The following CLDN10 variants were observed in gnomAD, a reference collection of about 807,000 sequenced individuals.
CLDN10 encodes claudin-10.
CLDN10 carries 15 observed loss-of-function variants against 22.9 expected under a neutral mutation model. The observed-to-expected ratio is 0.65, with a 90% CI of 0.44 to 1.01. CLDN10 has a LOEUF of 1.01. CLDN10 is among the 50% of genes least tolerant of loss of function. CLDN10 has a pLI of 0.00. For synonymous variants in CLDN10, 114 were observed against 111.4 expected, an observed-to-expected ratio of 1.02 and a Z score of -0.15; for missense variants, 247 against 287.8, an observed-to-expected ratio of 0.86 and a Z score of 1.03.
At chr13:95,455,561 A>C (rs961629069) in intron 1 of CLDN10, among the ~76,000 whole-genome samples, 1 of 152,204 alleles carries the variant, frequency 6.6e-6, no homozygotes, top group African/African-American at 2.4e-5. Context: ...CATGGTAAAA[A>C]TAAGGGTTCT....
intron 3 of CLDN10, among the ~76,000 whole-genome samples, chr13:95,575,993 G>A (rs923663069): frequency 1.3e-5 from 2 of 152,158 alleles, no homozygotes; most frequent in African/African-American, 4.8e-5. Context: ...CTGCTCCCCT[G>A]GCTAGTGATG....
At chr13:95,524,859 A>T (rs1263013837) in intron 1 of CLDN10, among the ~76,000 whole-genome samples, 1 of 110,650 alleles carries the variant, frequency 9.0e-6, no homozygotes, top group Non-Finnish European at 2.0e-5. Context: ...TTATTTATTT[A>T]TTTTTATTTT....
chr13:95,510,283 T>C (rs1260421667), intron 1 of CLDN10, among the ~76,000 whole-genome samples: 1 of 152,154 alleles, frequency 6.6e-6, no homozygotes, highest in Non-Finnish European at 1.5e-5. Context: ...ATCTTGCAAT[T>C]CTCCCTCAAT....
intron 1 of CLDN10, among the ~76,000 whole-genome samples, chr13:95,441,132 G>T (rs2042320812): frequency 6.6e-6 from 1 of 152,214 alleles, no homozygotes; most frequent in Non-Finnish European, 1.5e-5. Context: ...ATTGTTCATT[G>T]AGTTAAATTC....
chr13:95,435,105 AT>A (rs74674725), intron 1 of CLDN10, among the ~76,000 whole-genome samples: 8,164 of 152,168 alleles, frequency 0.054, 289 homozygotes, highest in East Asian at 0.12. Context: ...GGGAACATAT[AT>A]TTTTTAAGGA....
intron 1 of CLDN10, among the ~76,000 whole-genome samples, chr13:95,466,234 A>G (rs933491477): frequency 6.6e-6 from 1 of 152,044 alleles, no homozygotes; most frequent in African/African-American, 2.4e-5. Flanking sequence ...ACTATTCACT[A>G]AAATGTGGAT....
At chr13:95,521,643 C>A (rs1035519947) in intron 1 of CLDN10, among the ~76,000 whole-genome samples, 4 of 151,892 alleles carry the variant, frequency 2.6e-5, no homozygotes, top group African/African-American at 4.8e-5. Context: ...CTGTAATTTT[C>A]CTTTCTTTTA....
intron 1 of CLDN10, among the ~76,000 whole-genome samples, chr13:95,471,850 CTCAATCA>C (rs2139102573): frequency 1.3e-5 from 2 of 152,012 alleles, no homozygotes; most frequent in South Asian, 4.1e-4. Context: ...GCCTCTGGGG[CTCAATCA>C]TCATGGCTCA....
intron 1 of CLDN10, among the ~76,000 whole-genome samples, chr13:95,476,438 G>A (rs932428377): frequency 5.3e-5 from 8 of 152,088 alleles, no homozygotes; most frequent in Non-Finnish European, 1.0e-4. Flanking sequence ...GCAGCTCTCC[G>A]GAGCCTTCTG....
rs1489516203 is a variant in CLDN10, at chr13:95,552,736, G to A, written c.-18G>A. ...GCAGAGTGGGAGCCGGAGAGCGAGC[G>A]CGGCTGCAGCCGGCGGCATGGCTAG... On this transcript the variant is annotated 5_prime_UTR_variant, in exon 1 of 5. Coordinates refer to ENST00000299339, the MANE Select transcript of CLDN10 (RefSeq NM_006984.5). 6.2e-7 allele frequency: 1 copy of A among 1,602,048 alleles called. No homozygotes were observed. Among genetic ancestry groups the A allele is most frequent in the South Asian group, 1.1e-5 (1 of 90,044 alleles).
chr13:95,554,927 C>T (rs913249817), intron 1 of CLDN10, among the ~76,000 whole-genome samples: 18 of 152,192 alleles, frequency 1.2e-4, no homozygotes, highest in African/African-American at 3.4e-4. Context: ...GAAATGGTAT[C>T]GTAAGAGCAG....
intron 1 of CLDN10, among the ~76,000 whole-genome samples, chr13:95,450,110 A>G (rs771354558): frequency 2.1e-4 from 32 of 152,066 alleles, no homozygotes; most frequent in Admixed American, 4.6e-4. Flanking sequence ...CCTGGCCTGA[A>G]GCAATTCTCC....
At chr13:95,510,592 A>T (rs1158907637) in intron 1 of CLDN10, among the ~76,000 whole-genome samples, 1 of 152,028 alleles carries the variant, frequency 6.6e-6, no homozygotes, top group African/African-American at 2.4e-5. Flanking sequence ...GCCTTTGCTC[A>T]TTTGCCTTAC....
chr13:95,476,505 C>T (rs959867799), intron 1 of CLDN10, among the ~76,000 whole-genome samples: 1 of 152,254 alleles, frequency 6.6e-6, no homozygotes, highest in South Asian at 2.1e-4. Context: ...AATCACCTCC[C>T]GAAGGCCCCA....
intron 1 of CLDN10, among the ~76,000 whole-genome samples, chr13:95,439,227 C>T (rs927930064): frequency 6.6e-6 from 1 of 152,094 alleles, no homozygotes; most frequent in South Asian, 2.1e-4. Context: ...CTGTGAAGTC[C>T]TAAATCGAGA....
intron 3 of CLDN10, among the ~76,000 whole-genome samples, chr13:95,568,701 C>T (rs999632751): frequency 6.6e-6 from 1 of 152,146 alleles, no homozygotes; most frequent in Non-Finnish European, 1.5e-5. Context: ...ATGTGTTACT[C>T]ACTTTGGAAT....
intron 1 of CLDN10, among the ~76,000 whole-genome samples, chr13:95,458,847 A>T (rs1454114038): frequency 6.6e-6 from 1 of 152,228 alleles, no homozygotes; most frequent in African/African-American, 2.4e-5. Context: ...CCAAAAGTCC[A>T]AATCCAAAGT....
At chr13:95,494,663 G>A (rs1204755391) in intron 1 of CLDN10, among the ~76,000 whole-genome samples, 1 of 152,138 alleles carries the variant, frequency 6.6e-6, no homozygotes, top group Non-Finnish European at 1.5e-5. Context: ...CGTTACAAAT[G>A]TATTGTCTGA....
At chr13:95,435,867 G>A (rs2042264274) in intron 1 of CLDN10, among the ~76,000 whole-genome samples, 1 of 151,468 alleles carries the variant, frequency 6.6e-6, no homozygotes, top group Non-Finnish European at 1.5e-5. Context: ...TGTTGCCAAG[G>A]CTGGTCTCGA....
Sources: gnomAD v4.1 joint callset for allele counts (sites outside exome capture counted in the v4.1 genomes callset) on GRCh38, gnomAD v4.1.1 for gene constraint, MANE v1.5 for transcripts, NCBI Gene and HGNC (gene_info 2026-07-23, HGNC 2026-07-21) for gene names.